Variants in FBXW12 observed in about 807,000 individuals in gnomAD.
The protein encoded by FBXW12 is F-box/WD repeat-containing protein 12.
Under a neutral mutation model 55.3 loss-of-function variants are expected in FBXW12, and 43 were observed. The observed-to-expected ratio is 0.78, with a 90% CI of 0.61 to 1.00. The LOEUF (loss-of-function observed/expected upper bound fraction) is 1.00. FBXW12 is among the 50% of genes least tolerant of loss of function. The probability of loss-of-function intolerance (pLI) is 0.00; values close to 1 mark genes in which losing one functional copy is unlikely to be tolerated. For synonymous variants in FBXW12, 184 were observed against 203.8 expected, an observed-to-expected ratio of 0.90 and a Z score of 0.83; for missense variants, 524 against 560.5, an observed-to-expected ratio of 0.93 and a Z score of 0.66.
At chr3:48,382,238 T>A (rs2036787741) in intron 10 of FBXW12, among the ~76,000 whole-genome samples, 153 bp downstream of exon 10, 1 of 152,124 alleles carries the variant, frequency 6.6e-6, no homozygotes, top group Admixed American at 6.5e-5. Flanking sequence ...TGCTTCAGCC[T>A]CCCAAGTAGC....
Position 48,381,814 on chromosome 3 carries a change from G to C in FBXW12, c.1100G>C (p.Ser367Thr). ...FTSGPYLLLFSITGFLLQRFE... is the reference protein window; with the variant it reads ...FTSGPYLLLFTITGFLLQRFE... The stretch of plus-strand genomic sequence containing the variant: ...AGTGGACCATACTTGTTACTCTTCA[G>C]CATCACTGGCTTCCTGCTGCAACGA... The change falls in exon 9 of 11, where the codon AGC (serine) becomes ACC (threonine). Residue 367 changes from serine (S) to threonine (T), a missense_variant. Coordinates refer to ENST00000296438, the MANE Select transcript of FBXW12 (RefSeq NM_207102.2). 1 of 1,610,946 alleles carries C rather than the reference G, an allele frequency of 6.2e-7. No homozygotes were observed. Among genetic ancestry groups the C allele is most frequent in the East Asian group, 2.2e-5 (1 of 44,772 alleles).
At chr3:48,376,879 A>G (rs1383289538) in intron 5 of FBXW12, among the ~76,000 whole-genome samples, 1 of 99,854 alleles carries the variant, frequency 1.0e-5, no homozygotes, top group East Asian at 3.6e-4. Flanking sequence ...AGTGATTCCT[A>G]TTTTTCCATT....
chr3:48,372,636 G>A (rs1348457163), intron 1 of FBXW12, 48 bp from the exon 2 acceptor site: 13 of 1,573,190 alleles, frequency 8.3e-6, no homozygotes, highest in African/African-American at 1.3e-5. Context: ...CACACCTGCA[G>A]CTTGTTTCTA....
chr3:48,382,410 T>G (rs544003803), intron 10 of FBXW12, among the ~76,000 whole-genome samples: 2 of 152,112 alleles, frequency 1.3e-5, no homozygotes, highest in African/African-American at 2.4e-5. Flanking sequence ...CACCGCACCC[T>G]GCCGAAAACT....
intron 7 of FBXW12, 41 bp from the exon 8 acceptor site, chr3:48,380,661 A>G: frequency 6.8e-7 from 1 of 1,473,140 alleles, no homozygotes; most frequent in Non-Finnish European, 9.5e-7. Context: ...GAGAGGCTAT[A>G]AGTTCCCTGC....
At position 48,381,941 on chromosome 3, in the gene FBXW12, G is replaced by A; in HGVS notation, c.1165-14G>A. 1.2e-6 allele frequency: 2 copies of A among 1,613,994 alleles called. No individual in the cohort carries two copies. Among genetic ancestry groups the A allele is most frequent in the South Asian group, 1.1e-5 (1 of 91,058 alleles). On this transcript the variant is annotated splice_polypyrimidine_tract_variant and intron_variant, in intron 9 of 10. Transcript: ENST00000296438. The stretch of plus-strand genomic sequence containing the variant: ...TTTGACTCCTTGGCCACTCACTCTG[G>A]CTATCCTTGGAAGGATCCTTGCTAT...
At chr3:48,379,783 ATT>A in intron 7 of FBXW12, 2 of 494,088 alleles carry the variant, frequency 4.0e-6, no homozygotes, top group East Asian at 3.6e-5. Context: ...TGAAGCCCGA[ATT>A]TGCCAAAGAG....
chr3:48,392,688 C>T (rs560467200), intron 10 of FBXW12, among the ~76,000 whole-genome samples: 12 of 152,300 alleles, frequency 7.9e-5, no homozygotes, highest in African/African-American at 2.6e-4. Flanking sequence ...ATATTAACTT[C>T]TTTCAGCATT....
intron 10 of FBXW12, among the ~76,000 whole-genome samples, chr3:48,393,659 C>G (rs6770470): frequency 0.56 from 84,496 of 151,970 alleles, 23,469 homozygotes; most frequent in South Asian, 0.67. Flanking sequence ...CACAATGGCT[C>G]ACGCCTGTAA....
Position 48,372,289 on chromosome 3 carries a change from T to C in FBXW12, c.-116T>C. On this transcript the variant is annotated 5_prime_UTR_variant, in exon 1 of 11. It removes an upstream start codon present in the reference 5' UTR. Transcript: ENST00000296438. ...CAGAGGCCATGCTGGCGCTGAGAGA[T>C]GAGCCCCACTCACCAGATTCAAGAT... 6.4e-7 allele frequency: 1 copy of C among 1,552,202 alleles called. No individual in the cohort carries two copies. Among genetic ancestry groups the C allele is most frequent in the Non-Finnish European group, 8.7e-7 (1 of 1,147,096 alleles).
At chr3:48,384,262 G>A (rs2036814882) in intron 10 of FBXW12, among the ~76,000 whole-genome samples, 1 of 151,992 alleles carries the variant, frequency 6.6e-6, no homozygotes, top group African/African-American at 2.4e-5. Flanking sequence ...GCACATATTT[G>A]TAAAATTTAT....
At chr3:48,372,434 AG>A in intron 1 of FBXW12, 114 bp downstream of exon 1, 1 of 1,349,342 alleles carries the variant, frequency 7.4e-7, no homozygotes, top group African/African-American at 1.5e-5. Context: ...CATTTCCTAA[AG>A]GGTTCTGACA....
intron 4 of FBXW12, among the ~76,000 whole-genome samples, chr3:48,374,831 A>G (rs2036660486): frequency 7.0e-6 from 1 of 142,892 alleles, no homozygotes; most frequent in African/African-American, 2.6e-5. Context: ...GTGCAGCAGC[A>G]TGATCTTGGC....
At chr3:48,376,834 C>G (rs2036692957) in intron 5 of FBXW12, among the ~76,000 whole-genome samples, 2 of 152,060 alleles carry the variant, frequency 1.3e-5, no homozygotes, top group South Asian at 4.1e-4. Flanking sequence ...AAATTGCCAG[C>G]ATGTTTTCTA....
intron 10 of FBXW12, among the ~76,000 whole-genome samples, chr3:48,390,318 TG>T (rs1355802693): frequency 6.6e-6 from 1 of 152,022 alleles, no homozygotes; most frequent in African/African-American, 2.4e-5. Flanking sequence ...CTTTGGGCAG[TG>T]TGGCCATTTT....
Position 48,385,337 on chromosome 3 carries a change from A to ATT in FBXW12, c.1295+3253_1295+3254dup, listed in dbSNP as rs1345898964. On this transcript the variant is annotated intron_variant, in intron 10 of 10. Coordinates refer to ENST00000296438, the MANE Select transcript of FBXW12 (RefSeq NM_207102.2). Reference sequence around the variant, plus strand: ...CTTTTCTAAGGCTAAATGGTATTCCATTGTGTGTGTGTGTGTGTGTGTGTG... The same window carrying ATT: ...CTTTTCTAAGGCTAAATGGTATTCCATTTTGTGTGTGTGTGTGTGTGTGTGTG... Among the ~76,000 whole-genome samples, 93 of 105,920 alleles carry ATT rather than the reference A, an allele frequency of 8.8e-4. 1 individual carries two copies. The South Asian group carries it at 0.029, about 32-fold the overall frequency. 69.5% of individuals were successfully genotyped at this position (105,920 alleles called of 152,430 possible).
Position 48,379,401 on chromosome 3 carries a change from T to G in FBXW12, c.617T>G (p.Val206Gly), listed in dbSNP as rs142594711. The G allele has an allele frequency of 1.9e-6, 3 of 1,613,212 alleles. No homozygotes were observed. The highest frequency in any genetic ancestry group is 1.7e-5 in the Admixed American group (1 of 59,948). Residue 206 changes from valine to glycine, a missense_variant and splice_region_variant, in exon 7 of 11, where the codon GTT becomes GGT. Coordinates refer to ENST00000296438, the MANE Select transcript of FBXW12 (RefSeq NM_207102.2). ...ATGGTGGGGATGCTTTGGTTTCAGG[T>G]TGGCGATGCTGCAGGTGACATCTAC... is the stretch of plus-strand genomic sequence containing the variant. ...YLTKDGPFLM[V>G]GDAAGDIYTF...
intron 10 of FBXW12, among the ~76,000 whole-genome samples, chr3:48,393,012 T>TG: frequency 9.0e-6 from 1 of 111,324 alleles, no homozygotes; most frequent in Non-Finnish European, 1.8e-5. Context: ...TTTTTTTTTT[T>TG]GAGACAAAGT....
At chr3:48,390,500 C>T (rs1461936868) in intron 10 of FBXW12, among the ~76,000 whole-genome samples, 1 of 148,838 alleles carries the variant, frequency 6.7e-6, no homozygotes, top group Admixed American at 6.8e-5. Flanking sequence ...TTACAACCTC[C>T]ACCTCCCAGG....
Sources: allele counts gnomAD v4.1 joint callset (sites outside exome capture counted in the v4.1 genomes callset), GRCh38; gene constraint gnomAD v4.1.1; transcripts MANE v1.5; gene names NCBI Gene and HGNC (gene_info 2026-07-23, HGNC 2026-07-21).